LGSN: variants seen among roughly 807,000 people sequenced by gnomAD.
LGSN encodes the protein lengsin, lens protein with glutamine synthetase domain, also known as lengsin.
LGSN carries 21 observed loss-of-function variants against 19.5 expected under a neutral mutation model. That is an observed-to-expected ratio of 1.07 (90% CI 0.76 to 1.55). The LOEUF is 1.55. Ranked by LOEUF, LGSN falls within the 40% of genes most tolerant of loss-of-function variation. The probability of loss-of-function intolerance (pLI) is 0.00; values close to 1 mark genes in which losing one functional copy is unlikely to be tolerated. For missense variants in LGSN, 673 were observed against 608.5 expected, an observed-to-expected ratio of 1.11 and a Z score of -1.12; for synonymous variants, 257 against 215.6, an observed-to-expected ratio of 1.19 and a Z score of -1.68.
At chr6:63,351,985 TGTAA>T in the LGSN span, among the ~76,000 whole-genome samples, 1 of 152,224 alleles carries the variant, frequency 6.6e-6, no homozygotes, top group South Asian at 2.1e-4. Flanking sequence ...AAGAATTTCT[TGTAA>T]TGACCTCGTA....
At chr6:63,516,249 C>A in the LGSN span, among the ~76,000 whole-genome samples, 2 of 152,158 alleles carry the variant, frequency 1.3e-5, no homozygotes, top group Non-Finnish European at 2.9e-5. Flanking sequence ...ATCCACCTAT[C>A]CAAAAGGTCA....
the LGSN span, among the ~76,000 whole-genome samples, chr6:63,540,922 G>C: frequency 6.6e-6 from 1 of 151,304 alleles, no homozygotes; most frequent in Non-Finnish European, 1.5e-5. Context: ...AGAATCACTA[G>C]AACCCCGGGG....
the LGSN span, among the ~76,000 whole-genome samples, chr6:63,402,377 G>A: frequency 6.6e-6 from 1 of 151,562 alleles, no homozygotes; most frequent in East Asian, 1.9e-4. Flanking sequence ...TTACAAGAGA[G>A]TAATTTAAGA....
At chr6:63,386,934 C>T in the LGSN span, among the ~76,000 whole-genome samples, 1 of 151,978 alleles carries the variant, frequency 6.6e-6, no homozygotes, top group African/African-American at 2.4e-5. Flanking sequence ...AACCTCGTCT[C>T]TATTAAAAAT....
the LGSN span, among the ~76,000 whole-genome samples, chr6:63,341,694 T>C: frequency 3.0e-3 from 453 of 152,280 alleles, 2 homozygotes; most frequent in African/African-American, 0.01. Context: ...AAACCCTAAA[T>C]TGACATTTGA....
chr6:63,284,484 A>T (rs567800165), intron 3 of LGSN, among the ~76,000 whole-genome samples: 1 of 152,222 alleles, frequency 6.6e-6, no homozygotes, highest in Non-Finnish European at 1.5e-5. Flanking sequence ...AAAGGATTCC[A>T]CTGAGAAACT....
chr6:63,298,525 G>T (rs770252995), intron 1 of LGSN, among the ~76,000 whole-genome samples: 4 of 151,950 alleles, frequency 2.6e-5, no homozygotes, highest in African/African-American at 4.8e-5. Context: ...TTTTTCTAAT[G>T]CATGAGGTAG....
chr6:63,541,192 G>A, the LGSN span, among the ~76,000 whole-genome samples: 1 of 152,044 alleles, frequency 6.6e-6, no homozygotes, highest in Non-Finnish European at 1.5e-5. Context: ...AATCAAAGCA[G>A]GTTTTCTTCT....
chr6:63,545,234 C>T, the LGSN span, among the ~76,000 whole-genome samples: 3 of 152,170 alleles, frequency 2.0e-5, no homozygotes, highest in Admixed American at 1.3e-4. Context: ...TCTCTTCAAG[C>T]AGATTTTGGT....
chr6:63,326,303 T>C, the LGSN span, among the ~76,000 whole-genome samples: 1 of 152,052 alleles, frequency 6.6e-6, no homozygotes, highest in African/African-American at 2.4e-5. Context: ...AGATACAGAG[T>C]GCCGATTGGT....
rs749692489 is a variant in LGSN at position 63,275,963 on chromosome 6, G to T, written c.*4058C>A. On this transcript the variant is annotated 3_prime_UTR_variant, in exon 4 of 4. Coordinates refer to ENST00000370657, the MANE Select transcript of LGSN (RefSeq NM_016571.3). Reference sequence around the variant, plus strand: ...ATTAATGCAAATGTAAGTAAGATCTGTACCTTTTATTCTGAGAATTCACAT... The same window carrying T: ...ATTAATGCAAATGTAAGTAAGATCTTTACCTTTTATTCTGAGAATTCACAT... 3 of 152,196 alleles carry T rather than the reference G, an allele frequency of 2.0e-5. No homozygotes were observed. The East Asian group carries it at 5.8e-4, about 29-fold the overall frequency. The allele number at this position is 152,196 out of a possible 1,614,324, so 9.4% of individuals were successfully genotyped here. A position where few individuals can be genotyped will look rare whatever the true frequency, so the allele number is the denominator to read the frequency against.
At chr6:63,428,571 G>A in the LGSN span, among the ~76,000 whole-genome samples, 22 of 152,040 alleles carry the variant, frequency 1.4e-4, no homozygotes, top group Non-Finnish European at 2.9e-4. Flanking sequence ...GGCTGGTCTC[G>A]AACTCCTGAC....
chr6:63,550,946 C>T, the LGSN span, among the ~76,000 whole-genome samples: 3 of 151,944 alleles, frequency 2.0e-5, no homozygotes, highest in Non-Finnish European at 4.4e-5. Context: ...TTTCAAATAA[C>T]CTTTATTTTT....
At chr6:63,394,428 C>T in the LGSN span, among the ~76,000 whole-genome samples, 1 of 152,160 alleles carries the variant, frequency 6.6e-6, no homozygotes, top group Non-Finnish European at 1.5e-5. Context: ...AAGACACTCC[C>T]ACTAGCATCA....
chr6:63,558,492 G>A, the LGSN span, among the ~76,000 whole-genome samples: 37 of 152,130 alleles, frequency 2.4e-4, no homozygotes, highest in African/African-American at 8.2e-4. Context: ...AGCACCTGAA[G>A]GACAAAGGTT....
chr6:63,294,310 G>C (rs1767891410), intron 2 of LGSN, among the ~76,000 whole-genome samples: 1 of 151,904 alleles, frequency 6.6e-6, no homozygotes, highest in Non-Finnish European at 1.5e-5. Context: ...ACTCCAGCCT[G>C]GGTGACAGAG....
At chr6:63,476,078 G>GTTTGT in the LGSN span, among the ~76,000 whole-genome samples, 1 of 152,016 alleles carries the variant, frequency 6.6e-6, no homozygotes, top group Non-Finnish European at 1.5e-5. Flanking sequence ...TTTTTTGTTT[G>GTTTGT]TTTGTTTTGT....
chr6:63,379,149 G>T, the LGSN span, among the ~76,000 whole-genome samples: 1 of 151,896 alleles, frequency 6.6e-6, no homozygotes. Context: ...AAAAGCATGT[G>T]CTTTTTTGAG....
intron 2 of LGSN, among the ~76,000 whole-genome samples, chr6:63,294,391 TCTGA>T (rs1455662651): frequency 6.6e-6 from 1 of 152,046 alleles, no homozygotes; most frequent in African/African-American, 2.4e-5. Context: ...TCTACTAAAA[TCTGA>T]CTGCTTTTTA....
Sources: allele counts gnomAD v4.1 joint callset (sites outside exome capture counted in the v4.1 genomes callset), GRCh38; gene constraint gnomAD v4.1.1; transcripts MANE v1.5; gene names NCBI Gene and HGNC (gene_info 2026-07-23, HGNC 2026-07-21).